Variants in SLC51A observed in about 807,000 individuals in gnomAD.
SLC51A encodes the protein organic solute transporter subunit alpha.
A neutral mutation model predicts 34.8 loss-of-function variants in SLC51A; 22 were observed. That is an observed-to-expected ratio of 0.63 (90% confidence interval 0.45 to 0.90). The LOEUF (loss-of-function observed/expected upper bound fraction) is 0.90, where lower values mean the gene tolerates loss of function less well. Among genes scored for constraint, SLC51A ranks in the 40% least tolerant of loss-of-function variants. The probability of loss-of-function intolerance (pLI) is 0.00; values close to 1 mark genes in which losing one functional copy is unlikely to be tolerated. For missense variants in SLC51A, 371 were observed against 414.8 expected, an observed-to-expected ratio of 0.89 and a Z score of 0.92; for synonymous variants, 181 against 176.3, an observed-to-expected ratio of 1.03 and a Z score of -0.21.
intron 2 of SLC51A, among the ~76,000 whole-genome samples, chr3:196,218,887 C>T (rs1337165949): frequency 6.6e-6 from 1 of 151,736 alleles, no homozygotes; most frequent in South Asian, 2.1e-4. Context: ...CAAAAGTCCT[C>T]GCAGTGTTGG....
intron 2 of SLC51A, 28 bp downstream of exon 2, chr3:196,217,964 C>T: frequency 6.3e-7 from 1 of 1,594,572 alleles, no homozygotes; most frequent in Non-Finnish European, 8.6e-7. Context: ...TCAGAGGGAA[C>T]TGAGAGGAGG....
intron 2 of SLC51A, among the ~76,000 whole-genome samples, chr3:196,218,984 G>A (rs1371693903): frequency 6.6e-6 from 1 of 152,186 alleles, no homozygotes; most frequent in Non-Finnish European, 1.5e-5. Flanking sequence ...CCTGCACTTT[G>A]GGAGGCCGAG....
intron 6 of SLC51A, among the ~76,000 whole-genome samples, chr3:196,229,668 C>A (rs1228569186): frequency 1.4e-5 from 2 of 143,948 alleles, no homozygotes; most frequent in African/African-American, 5.1e-5. Flanking sequence ...TGAGCCACCA[C>A]GCCTGGCCCA....
Position 196,218,029 on chromosome 3 carries a change from T to C in SLC51A, c.133+93T>C, listed in dbSNP as rs1329336763. On this transcript the variant is annotated intron_variant, in intron 2 of 8. Coordinates refer to ENST00000296327, the MANE Select transcript of SLC51A (RefSeq NM_152672.6). ...AGAGGCGGCCCTGAGCTGGTGCACCTGGGCAGCCGGGGAGAATAACTGGCC... is the reference window on the plus strand; with the variant it reads ...AGAGGCGGCCCTGAGCTGGTGCACCCGGGCAGCCGGGGAGAATAACTGGCC... The C allele has an allele frequency of 8.6e-6, 10 of 1,156,764 alleles. 1 individual carries two copies. The South Asian group carries it at 1.2e-4, about 14-fold the overall frequency. The allele number at this position is 1,156,764 out of a possible 1,614,324, so 71.7% of individuals were successfully genotyped here. A position where few individuals can be genotyped will look rare whatever the true frequency, so the allele number is the denominator to read the frequency against.
intron 2 of SLC51A, among the ~76,000 whole-genome samples, chr3:196,224,717 AGGGGAGGAG>A (rs1303013501): frequency 0.24 from 14,537 of 59,464 alleles, 1,895 homozygotes; most frequent in East Asian, 0.74. Flanking sequence ...AGGAGATGGG[AGGGGAGGAG>A]AGGGGAGGAG....
At chr3:196,226,846 C>T in intron 2 of SLC51A, 119 bp from the exon 3 acceptor site, 1 of 908,606 alleles carries the variant, frequency 1.1e-6, no homozygotes, top group Non-Finnish European at 1.6e-6. Flanking sequence ...CTAAAAAATC[C>T]TCATTCCTGT....
At chr3:196,231,085 A>T (rs1724020403) in intron 7 of SLC51A, among the ~76,000 whole-genome samples, 1 of 152,226 alleles carries the variant, frequency 6.6e-6, no homozygotes, top group Non-Finnish European at 1.5e-5. Context: ...GGACCTACCT[A>T]CACCATGTGC....
intron 2 of SLC51A, among the ~76,000 whole-genome samples, chr3:196,220,208 C>T (rs59792018): frequency 2.0e-5 from 3 of 152,170 alleles, no homozygotes; most frequent in African/African-American, 7.2e-5. Context: ...AGAAGGAGCT[C>T]GTGAAGGCTC....
At chr3:196,224,608 G>A (rs552174542) in intron 2 of SLC51A, among the ~76,000 whole-genome samples, 2 of 150,640 alleles carry the variant, frequency 1.3e-5, no homozygotes, top group East Asian at 3.9e-4. Context: ...CCTGGGAGGT[G>A]GAGGCTGCAG....
chr3:196,228,668 T>C lies in SLC51A; in HGVS notation c.522-141T>C, dbSNP rs1186126157. ...CAGCACTCTCAACATTCTGCTTTTT[T>C]CCTCTGTCCCCATCCACTTAACCTG... On this transcript the variant is annotated intron_variant, in intron 5 of 8. Coordinates refer to ENST00000296327, the MANE Select transcript of SLC51A (RefSeq NM_152672.6). This position sits in a 1 kb window ranked among gnomAD's most constrained non-coding sequence, Gnocchi z 4.9. The C allele has an allele frequency of 8.7e-6, 6 of 691,852 alleles. No individual in the cohort carries two copies. Among genetic ancestry groups the C allele is most frequent in the Admixed American group, 5.1e-5 (2 of 38,950 alleles). 42.9% of individuals were successfully genotyped at this position (691,852 alleles called of 1,614,324 possible).
At position 196,228,534 on chromosome 3, in the gene SLC51A, G is replaced by T; in HGVS notation, c.521+261G>T. 4.9e-6 allele frequency: 3 copies of T among 607,498 alleles called. 1 individual carries two copies. In the South Asian group the frequency reaches 6.3e-5, roughly 13 times the overall value. 37.6% of individuals were successfully genotyped at this position (607,498 alleles called of 1,614,324 possible). ...GAGAAAACTGGACTTGGGGCCATTC[G>T]CTTGCCCCTTCTGCCCACTTTGGTG... On this transcript the variant is annotated intron_variant, in intron 5 of 8. Coordinates refer to ENST00000296327, the MANE Select transcript of SLC51A (RefSeq NM_152672.6). This position sits in a 1 kb window ranked among gnomAD's most constrained non-coding sequence, Gnocchi z 4.9.
In SLC51A at chr3:196,228,130, C is replaced by CT; in HGVS notation, c.382dup (p.Tyr128LeufsTer81). 6.2e-7 allele frequency: 1 copy of CT among 1,613,902 alleles called. No homozygotes were observed. The highest frequency in any genetic ancestry group is 8.5e-7 in the Non-Finnish European group (1 of 1,179,884). The stretch of plus-strand genomic sequence containing the variant: ...CCCACCCCAGGTTTTATGCCGTGTG[C>CT]TTTTACCTGCTGATGCTGGTCATGG... On this transcript the variant is annotated frameshift_variant, in exon 5 of 9. Coordinates refer to ENST00000296327, the MANE Select transcript of SLC51A (RefSeq NM_152672.6). LOFTEE classifies it high-confidence loss of function. This position sits in a 1 kb window ranked among gnomAD's most constrained non-coding sequence, Gnocchi z 4.9.
chr3:196,223,017 C>T (rs988077174), intron 2 of SLC51A, among the ~76,000 whole-genome samples: 2 of 151,846 alleles, frequency 1.3e-5, no homozygotes, highest in Non-Finnish European at 2.9e-5. Flanking sequence ...CCCTCACCTT[C>T]ATAAATGGAA....
In SLC51A at chr3:196,233,232, A is replaced by G; in HGVS notation, c.*33A>G. The G allele has an allele frequency of 6.2e-7, 1 of 1,610,154 alleles. No individual in the cohort carries two copies. The highest frequency in any genetic ancestry group is 8.5e-7 in the Non-Finnish European group (1 of 1,178,120). On this transcript the variant is annotated 3_prime_UTR_variant, in exon 9 of 9. Coordinates refer to ENST00000296327, the MANE Select transcript of SLC51A (RefSeq NM_152672.6). ...GGCTTGGACAATGAAAGGATGCTGTACTCATTAGAATACAAGATTCCTTTA... is the reference window on the plus strand; with the variant it reads ...GGCTTGGACAATGAAAGGATGCTGTGCTCATTAGAATACAAGATTCCTTTA...
rs1211004291 is a variant in SLC51A at position 196,229,908 on chromosome 3, C to T, written c.634-7C>T. On this transcript the variant is annotated splice_region_variant and splice_polypyrimidine_tract_variant and intron_variant, in intron 6 of 8. Transcript: ENST00000296327. ...CTGCCTCACTGACTACTTTCTGTTG[C>T]CACCAGATTTCTGAGGGGAGCACAG... 3 of 1,589,206 alleles carry T rather than the reference C, an allele frequency of 1.9e-6. No homozygotes were observed. The Admixed American group carries it at 5.4e-5, about 28-fold the overall frequency.
intron 2 of SLC51A, among the ~76,000 whole-genome samples, chr3:196,221,435 C>T (rs1381779412): frequency 2.0e-5 from 3 of 151,470 alleles, no homozygotes; most frequent in Non-Finnish European, 4.4e-5. Context: ...CCTGGGCTAA[C>T]TTTCAATTTT....
intron 2 of SLC51A, among the ~76,000 whole-genome samples, chr3:196,226,034 T>C (rs1051056699): frequency 9.9e-5 from 15 of 152,130 alleles, no homozygotes; most frequent in Admixed American, 2.6e-4. Context: ...AGTTCTCCCC[T>C]GGCCGAGTGT....
At chr3:196,220,351 C>T (rs546941879) in intron 2 of SLC51A, among the ~76,000 whole-genome samples, 7 of 152,288 alleles carry the variant, frequency 4.6e-5, no homozygotes, top group African/African-American at 1.4e-4. Context: ...AATCCCAGCA[C>T]TTTGGGAGGC....
chr3:196,220,295 G>A (rs1206962982), intron 2 of SLC51A, among the ~76,000 whole-genome samples: 1 of 152,198 alleles, frequency 6.6e-6, no homozygotes, highest in Admixed American at 6.5e-5. Context: ...CAGAGGAAGA[G>A]GCTTAAGAAG....
Sources: allele counts gnomAD v4.1 joint callset (sites outside exome capture counted in the v4.1 genomes callset), GRCh38; gene constraint gnomAD v4.1.1; non-coding constraint Gnocchi (gnomAD v3.1); transcripts MANE v1.5; gene names NCBI Gene and HGNC (gene_info 2026-07-23, HGNC 2026-07-21).